The following KIAA1210 variants were observed in gnomAD, a reference collection of about 807,000 sequenced individuals.
KIAA1210 encodes the protein KIAA1210.
KIAA1210 carries 48 observed loss-of-function variants against 78.9 expected under a neutral mutation model. The ratio of observed to expected loss-of-function variants is 0.61; its 90% CI spans 0.48 to 0.77. The LOEUF is 0.77. Ranked by LOEUF, KIAA1210 falls within the 30% of genes least tolerant of loss-of-function variation. The pLI is 0.00. For synonymous variants in KIAA1210, 406 were observed against 404.5 expected (o/e 1.00, Z -0.04); for missense variants, 1,108 against 1,100.0 (o/e 1.01, Z -0.10).
chrX:119,150,519 G>C, exon 1 of KIAA1210: 1 of 1,210,579 alleles, frequency 8.3e-7, no homozygotes, highest in Non-Finnish European at 1.1e-6. Context: ...TAGGGGTGCC[G>C]GCCAGGAAGG....
At position 119,087,141 on chromosome X, in the gene KIAA1210, C is replaced by T. The variant is rs768673941; in HGVS notation, c.3561G>A (p.Lys1187=). 1 of 1,211,510 alleles carries T rather than the reference C, an allele frequency of 8.3e-7. No individual in the cohort carries two copies. The highest frequency in any genetic ancestry group is 1.8e-5 in the South Asian group (1 of 56,972). Residue 1187 remains lysine, a synonymous_variant, in exon 9 of 12, where the codon AAG becomes AAA. Transcript: ENST00000691062. ...GGAAAGGACTACTTGAAGGCAGGTGCTTCTCACCGCTGCTCTGCTTTACAG... is the reference window on the plus strand; with the variant it reads ...GGAAAGGACTACTTGAAGGCAGGTGTTTCTCACCGCTGCTCTGCTTTACAG... ...NVPVKQSSGE[K]HLPSSSPFQQ...
At chrX:119,083,921 C>T (rs372504929) in intron 10 of KIAA1210, among the ~76,000 whole-genome samples, 54 of 98,091 alleles carry the variant, frequency 5.5e-4, no homozygotes, top group African/African-American at 1.8e-3. Context: ...ATCGTTTGAG[C>T]CTGGGAGGTT....
Position 119,086,527 on chromosome X carries a change from G to A in KIAA1210, c.4156+19C>T. Reference sequence around the variant, plus strand: ...TCCACTTGATATCTGCTTGCCATCTGGAGAGATAAAAGCCTTACCTGGGGT... The same window carrying A: ...TCCACTTGATATCTGCTTGCCATCTAGAGAGATAAAAGCCTTACCTGGGGT... On this transcript the variant is annotated intron_variant, in intron 9 of 11. Coordinates refer to ENST00000691062, the MANE Select transcript of KIAA1210 (RefSeq NM_001394962.1). 1 of 1,169,695 alleles carries A rather than the reference G, an allele frequency of 8.5e-7. No homozygotes were observed. The highest frequency in any genetic ancestry group is 1.1e-6 in the Non-Finnish European group (1 of 873,868).
At chrX:119,098,593 A>G in intron 6 of KIAA1210, among the ~76,000 whole-genome samples, 1 of 93,326 alleles carries the variant, frequency 1.1e-5, no homozygotes, top group African/African-American at 4.1e-5. Flanking sequence ...CGACAAAGCG[A>G]GAGACTCCGT....
In KIAA1210 at chrX:119,080,973, G is replaced by A. The variant is rs774997388; in HGVS notation, c.*356C>T. On this transcript the variant is annotated 3_prime_UTR_variant, in exon 12 of 12. Coordinates refer to ENST00000691062, the MANE Select transcript of KIAA1210 (RefSeq NM_001394962.1). Reference sequence around the variant, plus strand: ...GCTATTAGCAATTATCATTTAAAACGCTGATGCTTGGCCGGGCGCGGTGGC... The same window carrying A: ...GCTATTAGCAATTATCATTTAAAACACTGATGCTTGGCCGGGCGCGGTGGC... 2 of 126,750 alleles carry A rather than the reference G, an allele frequency of 1.6e-5. No homozygotes were observed. Among genetic ancestry groups the A allele is most frequent in the African/African-American group, 3.2e-5 (1 of 31,570 alleles). 10.4% of individuals were successfully genotyped at this position (126,750 alleles called of 1,213,427 possible). A position where few individuals can be genotyped will look rare whatever the true frequency, so the allele number is the denominator to read the frequency against.
Position 119,096,506 on chromosome X carries a change from G to T in KIAA1210, c.834C>A (p.Asn278Lys). Residue 278 changes from asparagine to lysine, a missense_variant, in exon 7 of 12, where the codon AAC (asparagine) becomes AAA (lysine). Asn to Lys is a moderately conservative substitution (Grantham distance 94, BLOSUM62 0). Transcript: ENST00000691062. ...MTLNPRKQKK[N>K]LQVIVEPKEE... is the part of the protein sequence containing the mutation. ...TTGAAGGACTTACAATCACTTGAAG[G>T]TTCTTCTTTTGTTTGCGGGGATTTA... 2 of 1,208,319 alleles carry T rather than the reference G, an allele frequency of 1.7e-6. No homozygotes were observed. Among genetic ancestry groups the T allele is most frequent in the Non-Finnish European group, 2.2e-6 (2 of 893,343 alleles).
chrX:119,107,803 A>G (rs1323790476), intron 5 of KIAA1210, among the ~76,000 whole-genome samples: 1 of 111,744 alleles, frequency 8.9e-6, no homozygotes, highest in Non-Finnish European at 1.9e-5. Context: ...AATTCCACCC[A>G]CAGGCTGAGA....
intron 1 of KIAA1210, among the ~76,000 whole-genome samples, chrX:119,127,277 G>A (rs1281250628): frequency 9.2e-6 from 1 of 108,891 alleles, no homozygotes; most frequent in Admixed American, 9.9e-5. Context: ...CACAATGTGG[G>A]GCCATGGTAG....
chrX:119,115,089 A>T lies in KIAA1210; in HGVS notation c.230+1407T>A, dbSNP rs760874004. Among the ~76,000 whole-genome samples the T allele has an allele frequency of 2.2e-3, 244 of 111,629 alleles. 1 individual carries two copies. Among genetic ancestry groups the T allele is most frequent in the African/African-American group, 7.8e-3 (241 of 30,714 alleles). The stretch of plus-strand genomic sequence containing the variant: ...TTATGACTAATTGCTTCAGTGAATG[A>T]AAAAAGCTGATCTCCCTTCTCCGGA... On this transcript the variant is annotated intron_variant, in intron 3 of 11. Transcript: ENST00000691062.
chrX:119,106,837 G>A (rs1185779921), intron 5 of KIAA1210, among the ~76,000 whole-genome samples: 1 of 112,181 alleles, frequency 8.9e-6, no homozygotes, highest in Non-Finnish European at 1.9e-5. Context: ...CAGTATTTCT[G>A]ACATAACTGT....
Position 119,087,085 on chromosome X carries a change from G to A in KIAA1210, c.3617C>T (p.Ala1206Val). Reference sequence around the variant, plus strand: ...CTCAAAAACAGATCGCCTAGCAGCAGCATTCACAGAACTTGAATGAACCTG... The same window carrying A: ...CTCAAAAACAGATCGCCTAGCAGCAACATTCACAGAACTTGAATGAACCTG... The part of the protein sequence containing the change: ...QQQVHSSSVN[A>V]AARRSVFESN... Residue 1206 changes from alanine to valine, a missense_variant, in exon 9 of 12, where the codon GCT becomes GTT. This residue lies in a region of KIAA1210 where 245 missense variants were observed against 278.8 expected (regional missense o/e 0.88). Transcript: ENST00000691062. 1 of 1,211,672 alleles carries A rather than the reference G, an allele frequency of 8.3e-7. No homozygotes were observed. The highest frequency in any genetic ancestry group is 1.1e-6 in the Non-Finnish European group (1 of 895,352).
rs147290467 is a variant in KIAA1210 at position 119,107,574 on chromosome X, A to G, written c.492+763T>C. ...CTTCTGACCCTAGGGGCTGCTTAAC[A>G]ACTTTAGGGTCAACACCATTAGTGT... On this transcript the variant is annotated intron_variant, in intron 5 of 11. Coordinates refer to ENST00000691062, the MANE Select transcript of KIAA1210 (RefSeq NM_001394962.1). Among the ~76,000 whole-genome samples, 107 of 112,255 alleles carry G rather than the reference A, an allele frequency of 9.5e-4. No homozygotes were observed. The East Asian group carries it at 0.028, about 30-fold the overall frequency.
intron 2 of KIAA1210, among the ~76,000 whole-genome samples, chrX:119,138,949 C>T (rs187151997): frequency 8.9e-6 from 1 of 112,160 alleles, no homozygotes; most frequent in East Asian, 2.8e-4. Context: ...GAAAAGCATA[C>T]CCCAGCATGT....
chrX:119,117,926 A>G (rs1928328738), intron 2 of KIAA1210, among the ~76,000 whole-genome samples: 2 of 111,356 alleles, frequency 1.8e-5, no homozygotes, highest in Non-Finnish European at 3.8e-5. Context: ...TTAGTTTCTT[A>G]ATAAGCACAT....
intron 2 of KIAA1210, among the ~76,000 whole-genome samples, chrX:119,122,092 G>A (rs1267298961): frequency 1.2e-5 from 1 of 82,114 alleles, no homozygotes; most frequent in Non-Finnish European, 2.3e-5. Flanking sequence ...TTGAGATGGA[G>A]TCTTGCTCTG....
At chrX:119,092,332 T>C (rs1387004162) in intron 8 of KIAA1210, among the ~76,000 whole-genome samples, 3 of 111,811 alleles carry the variant, frequency 2.7e-5, no homozygotes, top group African/African-American at 9.8e-5. Flanking sequence ...TAGTTTCATA[T>C]CCAGCATACA....
chrX:119,095,339 A>T (rs1379052017), intron 7 of KIAA1210, among the ~76,000 whole-genome samples: 1 of 112,637 alleles, frequency 8.9e-6, no homozygotes, highest in African/African-American at 3.2e-5. Context: ...TTTTGATCAA[A>T]GTGAGTTTTA....
chrX:119,088,839 A>G lies in KIAA1210; in HGVS notation c.1863T>C (p.Ala621=). 1.7e-6 allele frequency: 2 copies of G among 1,211,392 alleles called. No homozygotes were observed. The highest frequency in any genetic ancestry group is 2.2e-6 in the Non-Finnish European group (2 of 895,276). Residue 621 remains alanine (A), a synonymous_variant, in exon 9 of 12, where the codon GCT becomes GCC. Transcript: ENST00000691062. ...CCAAGGACTGGGAAGAGTGACCATGAGCCAGTTCTTCAGAACCATCCCCCT... is the reference window on the plus strand; with the variant it reads ...CCAAGGACTGGGAAGAGTGACCATGGGCCAGTTCTTCAGAACCATCCCCCT... ...PEEGDGSEEL[A]HGHSSQSLGK...
chrX:119,084,193 A>T (rs1927059543), intron 10 of KIAA1210, among the ~76,000 whole-genome samples: 1 of 110,605 alleles, frequency 9.0e-6, no homozygotes, highest in Non-Finnish European at 1.9e-5. Flanking sequence ...ATATCTCTTG[A>T]TATATGAATT....
Sources: gnomAD v4.1 joint callset for allele counts (sites outside exome capture counted in the v4.1 genomes callset) on GRCh38, gnomAD v4.1.1 for gene constraint, gnomAD v4.1.1 regional missense constraint, MANE v1.5 for transcripts, NCBI Gene and HGNC (gene_info 2026-07-23, HGNC 2026-07-21) for gene names.